ANK3: variants seen among roughly 807,000 people sequenced by gnomAD.
ANK3 encodes the protein ankyrin 3.
ANK3 carries 57 observed loss-of-function variants against 370.9 expected under a neutral mutation model. The observed-to-expected ratio is 0.15, with a 90% CI of 0.12 to 0.19. The LOEUF is 0.19. Ranked by LOEUF, ANK3 falls within the 10% of genes least tolerant of loss-of-function variation. The probability of loss-of-function intolerance (pLI) is 1.00; values close to 1 mark genes in which losing one functional copy is unlikely to be tolerated. For missense variants in ANK3, 4,439 were observed against 5,302.1 expected (o/e 0.84, Z 5.06); for synonymous variants, 1,929 against 1,946.3 (o/e 0.99, Z 0.23).
At chr10:60,566,100 G>C (rs1049232560) in intron 2 of ANK3, among the ~76,000 whole-genome samples, 4 of 152,030 alleles carry the variant, frequency 2.6e-5, no homozygotes, top group Non-Finnish European at 2.9e-5. Context: ...TGGTGATCTA[G>C]GATCAGTGAT....
At chr10:60,308,261 T>C (rs1010119371) in intron 1 of ANK3, among the ~76,000 whole-genome samples, 1 of 151,622 alleles carries the variant, frequency 6.6e-6, no homozygotes, top group African/African-American at 2.4e-5. Flanking sequence ...GACCCAGTTT[T>C]GACAGGAGAC....
At chr10:60,401,933 G>A (rs894771587) in intron 2 of ANK3, among the ~76,000 whole-genome samples, 2 of 152,196 alleles carry the variant, frequency 1.3e-5, no homozygotes, top group African/African-American at 2.4e-5. Flanking sequence ...ATACTGAAGA[G>A]ACTGGTGGAA....
intron 2 of ANK3, among the ~76,000 whole-genome samples, chr10:60,498,552 C>A (rs1214543904): frequency 6.6e-6 from 1 of 152,110 alleles, no homozygotes; most frequent in Non-Finnish European, 1.5e-5. Flanking sequence ...CCATACCTGG[C>A]TAATTATTTC....
chr10:60,079,740 G>C (rs1385092122), intron 36 of ANK3, among the ~76,000 whole-genome samples: 1 of 152,166 alleles, frequency 6.6e-6, no homozygotes, highest in African/African-American at 2.4e-5. Flanking sequence ...GTTCCTGCTG[G>C]TGGAGGGGGT....
chr10:60,222,134 T>C (rs943570626), intron 8 of ANK3, among the ~76,000 whole-genome samples: 8 of 152,224 alleles, frequency 5.3e-5, no homozygotes, highest in African/African-American at 1.7e-4. Context: ...AGATTCAGTC[T>C]AGCTCTTTTC....
chr10:60,123,281 T>A (rs2093596680), intron 25 of ANK3, among the ~76,000 whole-genome samples: 1 of 152,176 alleles, frequency 6.6e-6, no homozygotes. Flanking sequence ...CAACTGAAAA[T>A]GCACATTATT....
intron 1 of ANK3, among the ~76,000 whole-genome samples, chr10:60,714,979 G>GAAA (rs1184292864): frequency 6.6e-6 from 1 of 152,116 alleles, no homozygotes; most frequent in African/African-American, 2.4e-5. Context: ...TGTAAACTAT[G>GAAA]AATTTTGGTT....
At chr10:60,548,206 CTTTTTTTTTTTTTTTTT>C (rs537459971) in intron 2 of ANK3, among the ~76,000 whole-genome samples, 1 of 88,342 alleles carries the variant, frequency 1.1e-5, no homozygotes, top group Admixed American at 1.6e-4. Context: ...TAAATATTTC[CTTTTTTTTTTTTTTTTT>C]TTTTTTTTTT....
intron 1 of ANK3, among the ~76,000 whole-genome samples, chr10:60,667,270 A>G (rs2133377621): frequency 6.7e-6 from 1 of 149,836 alleles, no homozygotes; most frequent in East Asian, 1.9e-4. Flanking sequence ...TCCAGAGATA[A>G]GCCAGGTTTT....
In ANK3 at chr10:60,296,028, C is replaced by T. The variant is rs115265491; in HGVS notation, c.115-16389G>A. On this transcript the variant is annotated intron_variant, in intron 1 of 43. Transcript: ENST00000280772. Reference sequence around the variant, plus strand: ...TTGACCTCATGATACAAAGGCCTAACACCTCCGAAGAGAACATTTAAGCAA... The same window carrying T: ...TTGACCTCATGATACAAAGGCCTAATACCTCCGAAGAGAACATTTAAGCAA... 3.1e-3 allele frequency among the ~76,000 whole-genome samples: 466 copies of T among 152,232 alleles called. 2 individuals are homozygous for T. Among genetic ancestry groups the T allele is most frequent in the African/African-American group, 0.011 (446 of 41,534 alleles).
intron 18 of ANK3, among the ~76,000 whole-genome samples, chr10:60,179,685 G>GAAAACAAAAAAAAAAA: frequency 7.1e-6 from 1 of 140,028 alleles, no homozygotes. Context: ...CCTCTTGGAG[G>GAAAACAAAAAAAAAAA]AAAAAAAAAA....
intron 1 of ANK3, among the ~76,000 whole-genome samples, chr10:60,345,753 A>C (rs1347354507): frequency 1.3e-5 from 2 of 152,098 alleles, no homozygotes; most frequent in Non-Finnish European, 2.9e-5. Flanking sequence ...AAAAATCACG[A>C]GTCTTATATT....
At chr10:60,311,902 CA>C (rs2046430626) in intron 1 of ANK3, among the ~76,000 whole-genome samples, 1 of 152,174 alleles carries the variant, frequency 6.6e-6, no homozygotes. Context: ...ACCATTTAAT[CA>C]ATTTCTCACT....
intron 25 of ANK3, among the ~76,000 whole-genome samples, chr10:60,116,583 GACT>G (rs1020678795): frequency 7.9e-6 from 1 of 126,092 alleles, no homozygotes; most frequent in Non-Finnish European, 1.7e-5. Flanking sequence ...TGAAACAATA[GACT>G]ACTTATTAAA....
intron 2 of ANK3, among the ~76,000 whole-genome samples, chr10:60,450,136 A>C (rs2064558803): frequency 6.6e-6 from 1 of 152,052 alleles, no homozygotes; most frequent in Non-Finnish European, 1.5e-5. Flanking sequence ...ATATCTACAA[A>C]AAATAAAAAA....
At chr10:60,294,844 G>A (rs2042169183) in intron 1 of ANK3, among the ~76,000 whole-genome samples, 1 of 151,966 alleles carries the variant, frequency 6.6e-6, no homozygotes, top group South Asian at 2.1e-4. Context: ...TACAACAAAA[G>A]GGCAAAATAT....
intron 1 of ANK3, among the ~76,000 whole-genome samples, chr10:60,649,106 G>C (rs913265715): frequency 6.6e-6 from 1 of 152,062 alleles, no homozygotes; most frequent in Non-Finnish European, 1.5e-5. Flanking sequence ...CTAACCCTCT[G>C]TTCCCAAGAC....
At chr10:60,646,376 G>C (rs982786743) in intron 1 of ANK3, among the ~76,000 whole-genome samples, 1 of 152,160 alleles carries the variant, frequency 6.6e-6, no homozygotes, top group Non-Finnish European at 1.5e-5. Flanking sequence ...GTGGAGAAGG[G>C]ATTAGTAGAA....
intron 24 of ANK3, among the ~76,000 whole-genome samples, chr10:60,135,807 C>G (rs1274172446): frequency 6.6e-6 from 1 of 152,160 alleles, no homozygotes; most frequent in Non-Finnish European, 1.5e-5. Context: ...TATCAAGGTA[C>G]AGAGCCTCCT....
Sources: allele counts gnomAD v4.1 joint callset (sites outside exome capture counted in the v4.1 genomes callset), GRCh38; gene constraint gnomAD v4.1.1; transcripts MANE v1.5; gene names NCBI Gene and HGNC (gene_info 2026-07-23, HGNC 2026-07-21).